The following RBFOX1 variants were observed in gnomAD, a reference collection of about 807,000 sequenced individuals.
RBFOX1 encodes RNA binding fox-1 homolog 1.
In RBFOX1, 8 loss-of-function variants were observed where a neutral mutation model predicts 57.7. The observed-to-expected ratio is 0.14, with a 90% CI of 0.08 to 0.25. RBFOX1 has a LOEUF of 0.25. Ranked by LOEUF, RBFOX1 falls within the 10% of genes least tolerant of loss-of-function variation. The pLI is 1.00. For synonymous variants in RBFOX1, 326 were observed against 222.4 expected (o/e 1.47, Z -4.15); for missense variants, 611 against 548.5 (o/e 1.11, Z -1.14).
At chr16:5,318,596 CAAAA>C (rs869222399) in intron 1 of RBFOX1, among the ~76,000 whole-genome samples, 1 of 129,924 alleles carries the variant, frequency 7.7e-6, no homozygotes, top group Non-Finnish European at 1.8e-5. Context: ...AAAAAACAAA[CAAAA>C]AAACAAAACA....
chr16:5,487,118 G>C (rs1445860207), intron 2 of RBFOX1, among the ~76,000 whole-genome samples: 4 of 152,194 alleles, frequency 2.6e-5, no homozygotes, highest in African/African-American at 7.2e-5. Flanking sequence ...CCCTCCGGGA[G>C]TTCTCCAGAC....
chr16:7,651,699 C>T (rs1289486680), intron 11 of RBFOX1, among the ~76,000 whole-genome samples: 2 of 152,178 alleles, frequency 1.3e-5, no homozygotes, highest in Non-Finnish European at 2.9e-5. Context: ...ACCCCTGCCC[C>T]TTGAGAGGTT....
chr16:6,871,047 G>T (rs181089843), intron 3 of RBFOX1, among the ~76,000 whole-genome samples: 1 of 152,204 alleles, frequency 6.6e-6, no homozygotes, highest in Non-Finnish European at 1.5e-5. Context: ...TCATAAATGC[G>T]TATAAAGTAG....
intron 1 of RBFOX1, among the ~76,000 whole-genome samples, chr16:5,397,239 A>AT (rs1415021323): frequency 2.0e-5 from 3 of 152,130 alleles, no homozygotes; most frequent in Non-Finnish European, 4.4e-5. Context: ...CTCTAAAGGG[A>AT]TTTTCCCCCT....
intron 1 of RBFOX1, among the ~76,000 whole-genome samples, chr16:6,190,257 G>A (rs1210114478): frequency 6.6e-6 from 1 of 152,158 alleles, no homozygotes; most frequent in African/African-American, 2.4e-5. Flanking sequence ...TTGGCTTCAT[G>A]TCTTGTTTGG....
chr16:5,268,272 T>C (rs2151115692), intron 1 of RBFOX1, among the ~76,000 whole-genome samples: 1 of 152,350 alleles, frequency 6.6e-6, no homozygotes, highest in South Asian at 2.1e-4. Context: ...CAATTTGTGT[T>C]AATTCTGCAA....
intron 3 of RBFOX1, among the ~76,000 whole-genome samples, chr16:6,683,658 G>A (rs1000083073): frequency 6.6e-6 from 1 of 152,126 alleles, no homozygotes; most frequent in Non-Finnish European, 1.5e-5. Flanking sequence ...GCTCATACCA[G>A]GTTTAAGGCG....
rs1212257120 is a variant in RBFOX1 at position 5,944,678 on chromosome 16, G to T, written c.351+77343G>T. Among the ~76,000 whole-genome samples, 3 of 151,300 alleles carry T rather than the reference G, an allele frequency of 2.0e-5. No individual in the cohort carries two copies. In the East Asian group the frequency reaches 5.9e-4, roughly 30 times the overall value. ...CTTAAGAGAAAGCTATTCTCGGCCA[G>T]GTGTGGTGGCTCACGCCTGTAATCC... On this transcript the variant is annotated intron_variant, in intron 4 of 19. Coordinates refer to the RBFOX1 transcript ENST00000641259.
chr16:6,052,804 T>TAAAATAATA (rs1333699113), intron 1 of RBFOX1, among the ~76,000 whole-genome samples: 1 of 144,238 alleles, frequency 6.9e-6, no homozygotes. Flanking sequence ...TAAAATAAAA[T>TAAAATAATA]ATAATAATAA....
intron 1 of RBFOX1, among the ~76,000 whole-genome samples, chr16:6,193,392 C>CTATATATATA (rs55707901): frequency 0.02 from 858 of 43,126 alleles, 44 homozygotes; most frequent in East Asian, 0.035. Context: ...TATATATATA[C>CTATATATATA]TATATATATA....
chr16:6,019,387 T>C lies in RBFOX1; in HGVS notation c.-732T>C. The C allele has an allele frequency of 3.0e-6, 3 of 985,736 alleles. No homozygotes were observed. Among genetic ancestry groups the C allele is most frequent in the Non-Finnish European group, 3.6e-6 (3 of 830,368 alleles). The allele number at this position is 985,736 out of a possible 1,614,324, so 61.1% of individuals were successfully genotyped here. A position where few individuals can be genotyped will look rare whatever the true frequency, so the allele number is the denominator to read the frequency against. ...ACTGGCTGCGCTGCCCTGAAGTGGT[T>C]CTCCAAGCAGCGCGGAGGGTGGCGG... is the stretch of plus-strand genomic sequence containing the variant. On this transcript the variant is annotated 5_prime_UTR_variant, in exon 1 of 16. Coordinates refer to ENST00000550418, the MANE Select transcript of RBFOX1 (RefSeq NM_018723.4). This position sits in a 1 kb window ranked among gnomAD's most constrained non-coding sequence, Gnocchi z 4.2.
chr16:5,351,687 A>C (rs1023815406), intron 1 of RBFOX1, among the ~76,000 whole-genome samples: 2 of 152,206 alleles, frequency 1.3e-5, no homozygotes, highest in African/African-American at 4.8e-5. Context: ...TAGAGCGGTC[A>C]AGGGAGGAAT....
At chr16:6,090,633 A>T (rs917016401) in intron 1 of RBFOX1, among the ~76,000 whole-genome samples, 2 of 152,216 alleles carry the variant, frequency 1.3e-5, no homozygotes, top group African/African-American at 4.8e-5. Context: ...TTACGTTACC[A>T]TATTGATCTT....
intron 14 of RBFOX1, among the ~76,000 whole-genome samples, chr16:7,706,989 G>C (rs2082668183): frequency 6.6e-6 from 1 of 152,132 alleles, no homozygotes. Flanking sequence ...GTTGATTAAA[G>C]GCCATTTTTG....
chr16:5,941,337 T>A (rs1220022025), intron 4 of RBFOX1, among the ~76,000 whole-genome samples: 2 of 151,854 alleles, frequency 1.3e-5, no homozygotes, highest in Admixed American at 6.6e-5. Flanking sequence ...ATTTTTTTTT[T>A]AAGTTAGCTG....
chr16:7,188,780 C>G (rs1261890526), intron 4 of RBFOX1, among the ~76,000 whole-genome samples: 1 of 152,110 alleles, frequency 6.6e-6, no homozygotes. Context: ...ACCGCAAGAG[C>G]TGGTATAGGG....
intron 4 of RBFOX1, among the ~76,000 whole-genome samples, chr16:7,454,904 C>A (rs41369345): frequency 6.6e-6 from 1 of 152,200 alleles, no homozygotes; most frequent in African/African-American, 2.4e-5. Context: ...GTTTGCTCCT[C>A]ACACTTTATA....
chr16:7,130,954 C>A (rs774475411), intron 4 of RBFOX1, among the ~76,000 whole-genome samples: 1 of 152,102 alleles, frequency 6.6e-6, no homozygotes, highest in African/African-American at 2.4e-5. Flanking sequence ...AGGTGCACCA[C>A]CTATAAGTGA....
At chr16:6,088,444 A>G (rs1023348018) in intron 1 of RBFOX1, among the ~76,000 whole-genome samples, 1 of 152,148 alleles carries the variant, frequency 6.6e-6, no homozygotes, top group South Asian at 2.1e-4. Flanking sequence ...AGATGAATAA[A>G]CAAATTAATC....
Sources: allele counts gnomAD v4.1 joint callset (sites outside exome capture counted in the v4.1 genomes callset), GRCh38; gene constraint gnomAD v4.1.1; non-coding constraint Gnocchi (gnomAD v3.1); transcripts MANE v1.5; gene names NCBI Gene and HGNC (gene_info 2026-07-23, HGNC 2026-07-21).